MYO5B: variants seen among roughly 807,000 people sequenced by gnomAD.
The protein encoded by MYO5B is unconventional myosin-Vb.
In MYO5B, 143 loss-of-function variants were observed where a neutral mutation model predicts 229.3. That is an observed-to-expected ratio of 0.62 (90% CI 0.54 to 0.72). MYO5B has a LOEUF of 0.72. MYO5B is among the 30% of genes least tolerant of loss of function. MYO5B has a pLI of 0.00. For synonymous variants in MYO5B, 918 were observed against 885.2 expected (o/e 1.04, Z -0.66); for missense variants, 2,321 against 2,331.0 (o/e 1.00, Z 0.09).
chr18:50,039,746 G>T (rs1598972424), intron 3 of MYO5B, among the ~76,000 whole-genome samples: 1 of 152,116 alleles, frequency 6.6e-6, no homozygotes, highest in East Asian at 1.9e-4. Flanking sequence ...ACAAACAGAG[G>T]CAAGTGAGAA....
chr18:49,895,177 G>T lies in MYO5B; in HGVS notation c.2812-3C>A, dbSNP rs371540311. 4.1e-5 allele frequency: 66 copies of T among 1,608,202 alleles called. No individual in the cohort carries two copies. The highest frequency in any genetic ancestry group is 1.3e-4 in the Admixed American group (8 of 60,008). On this transcript the variant is annotated splice_polypyrimidine_tract_variant and splice_region_variant and intron_variant, in intron 21 of 39. Coordinates refer to ENST00000285039, the MANE Select transcript of MYO5B (RefSeq NM_001080467.3). ...GAAAGTGTCTTGAACTCTTTGTTCT[G>T]TGGAGAACATCAGCAAACAAGGAGA...
At chr18:49,847,434 G>T in intron 32 of MYO5B, 145 bp from the exon 33 acceptor site, 1 of 992,210 alleles carries the variant, frequency 1.0e-6, no homozygotes, top group Non-Finnish European at 1.5e-6. Context: ...CTGGGGCAGG[G>T]GGCATACTGG....
chr18:49,982,267 C>T (rs1051960979), intron 8 of MYO5B, among the ~76,000 whole-genome samples: 16 of 152,036 alleles, frequency 1.1e-4, no homozygotes, highest in Admixed American at 9.8e-4. Context: ...CAGGGTCTCC[C>T]GTGTTGCCCA....
intron 1 of MYO5B, among the ~76,000 whole-genome samples, chr18:50,143,740 G>A (rs754691612): frequency 2.6e-5 from 4 of 152,284 alleles, no homozygotes; most frequent in East Asian, 1.9e-4. Flanking sequence ...GATGTTGTTC[G>A]GATGGGCACC....
chr18:50,000,841 T>C (rs1485065629), intron 5 of MYO5B, among the ~76,000 whole-genome samples: 2 of 152,164 alleles, frequency 1.3e-5, no homozygotes, highest in African/African-American at 2.4e-5. Flanking sequence ...GGTTAAAAAA[T>C]ATTCTATCTA....
rs537927381 is a variant in MYO5B, at chr18:50,046,748, C to T, written c.139-6434G>A. Among the ~76,000 whole-genome samples the T allele has an allele frequency of 2.6e-5, 4 of 152,180 alleles. No individual in the cohort carries two copies. In the South Asian group the frequency reaches 8.3e-4, roughly 32 times the overall value. Reference sequence around the variant, plus strand: ...CAAAAAAACACAAACAAGATATAGACCAATGGAACAGAACAGAGCCCTCAG... The same window carrying T: ...CAAAAAAACACAAACAAGATATAGATCAATGGAACAGAACAGAGCCCTCAG... On this transcript the variant is annotated intron_variant, in intron 2 of 39. Transcript: ENST00000285039.
intron 16 of MYO5B, among the ~76,000 whole-genome samples, chr18:49,932,504 T>G (rs1290746452): frequency 6.6e-6 from 1 of 152,154 alleles, no homozygotes; most frequent in Non-Finnish European, 1.5e-5. Flanking sequence ...CCCTGTGGTC[T>G]GGGGCAAAGA....
chr18:49,849,758 A>G lies in MYO5B; in HGVS notation c.4222-98T>C, dbSNP rs490697. The G allele has an allele frequency of 0.84, 769,516 of 916,814 alleles. 324,535 individuals carry two copies. The highest frequency in any genetic ancestry group is 0.97 in the East Asian group (40,546 of 41,716). The allele number at this position is 916,814 out of a possible 1,614,324, so 56.8% of individuals were successfully genotyped here. On this transcript the variant is annotated intron_variant, in intron 31 of 39. Transcript: ENST00000285039. Reference sequence around the variant, plus strand: ...CAGTTGGAGGTGACCAGTGCGGCCCATGGGCAGCCGTCAGAAATGCGCCAG... The same window carrying G: ...CAGTTGGAGGTGACCAGTGCGGCCCGTGGGCAGCCGTCAGAAATGCGCCAG...
chr18:49,836,214 T>C (rs2023985327), intron 38 of MYO5B, among the ~76,000 whole-genome samples: 1 of 152,198 alleles, frequency 6.6e-6, no homozygotes. Flanking sequence ...AAAGTAACAC[T>C]TAAATGCCCC....
chr18:49,974,798 G>GACACACAGACACACACACACACACACAC (rs1460518712), intron 9 of MYO5B, among the ~76,000 whole-genome samples, 183 bp from the exon 10 acceptor site: 2 of 130,996 alleles, frequency 1.5e-5, no homozygotes, highest in African/African-American at 5.6e-5. Flanking sequence ...CACACACACA[G>GACACACAGACACACACACACACACACAC]ACACACACAC....
chr18:50,168,198 G>C (rs759529741), intron 1 of MYO5B, among the ~76,000 whole-genome samples: 2 of 152,122 alleles, frequency 1.3e-5, no homozygotes, highest in Non-Finnish European at 2.9e-5. Flanking sequence ...AACAGCATCC[G>C]AGTCAAACCT....
At chr18:49,981,435 C>T (rs1325922948) in intron 8 of MYO5B, among the ~76,000 whole-genome samples, 2 of 152,156 alleles carry the variant, frequency 1.3e-5, no homozygotes, top group African/African-American at 4.8e-5. Context: ...ATGTGCCATG[C>T]TAGGATTAAA....
At position 49,843,497 on chromosome 18, in the gene MYO5B, C is replaced by G. The variant is rs560797626; in HGVS notation, c.4460-105G>C. On this transcript the variant is annotated intron_variant, in intron 33 of 39. Transcript: ENST00000285039. ...ACGTGTTTTCAATATTTCCCCATAG[C>G]TCATCTAGGAATAGATGTCTCAAAG... The G allele has an allele frequency of 4.7e-5, 65 of 1,391,414 alleles. 1 individual carries two copies. In the South Asian group the frequency reaches 7.7e-4, roughly 17 times the overall value. The allele number at this position is 1,391,414 out of a possible 1,614,324, so 86.2% of individuals were successfully genotyped here.
At chr18:49,977,109 C>A (rs2025759758) in intron 9 of MYO5B, among the ~76,000 whole-genome samples, 3 of 152,068 alleles carry the variant, frequency 2.0e-5, no homozygotes, top group Admixed American at 2.0e-4. Context: ...GAGAAACCAC[C>A]CTGGGGACCG....
Position 50,195,082 on chromosome 18 carries a change from G to C in MYO5B, c.-289C>G. The C allele has an allele frequency of 3.5e-6, 1 of 289,178 alleles. No individual in the cohort carries two copies. The highest frequency in any genetic ancestry group is 6.4e-6 in the Non-Finnish European group (1 of 157,220). 17.9% of individuals were successfully genotyped at this position (289,178 alleles called of 1,614,324 possible). A position where few individuals can be genotyped will look rare whatever the true frequency, so the allele number is the denominator to read the frequency against. ...CCCCTCCCAGGTGTGGGGAGGAGGC[G>C]AGGGCCGGCGAGGAGGGAGGACCCG... On this transcript the variant is annotated 5_prime_UTR_variant, in exon 1 of 40. Transcript: ENST00000285039.
At chr18:50,164,893 A>G (rs1455657871) in intron 1 of MYO5B, among the ~76,000 whole-genome samples, 3 of 152,358 alleles carry the variant, frequency 2.0e-5, no homozygotes, top group African/African-American at 7.2e-5. Context: ...TTGAGTTAAG[A>G]AATCTCAAGA....
chr18:50,178,994 A>G (rs77015246), intron 1 of MYO5B, among the ~76,000 whole-genome samples: 1,922 of 152,336 alleles, frequency 0.013, 14 homozygotes, highest in Non-Finnish European at 0.02. Context: ...GGGAAAAAAA[A>G]GGTGAGGACC....
At chr18:50,053,628 G>A (rs935114962) in intron 2 of MYO5B, among the ~76,000 whole-genome samples, 6 of 151,542 alleles carry the variant, frequency 4.0e-5, no homozygotes, top group Non-Finnish European at 8.8e-5. Context: ...GGTGGCTAGC[G>A]AAAGCTGCCT....
rs574806982 is a variant in MYO5B, at chr18:49,903,980, C to A, written c.2571+692G>T. 7.9e-4 allele frequency among the ~76,000 whole-genome samples: 120 copies of A among 152,362 alleles called. 2 individuals are homozygous for A. Among genetic ancestry groups the A allele is most frequent in the Non-Finnish European group, 5.9e-5 (4 of 68,032 alleles). ...GATGATGCCCAATACCACCGCCTGCCCTCAAGTGTGAATGAGCCCTAGGTG... is the reference window on the plus strand; with the variant it reads ...GATGATGCCCAATACCACCGCCTGCACTCAAGTGTGAATGAGCCCTAGGTG... On this transcript the variant is annotated intron_variant, in intron 20 of 39. Transcript: ENST00000285039.
Sources: allele counts gnomAD v4.1 joint callset (sites outside exome capture counted in the v4.1 genomes callset), GRCh38; gene constraint gnomAD v4.1.1; transcripts MANE v1.5; gene names NCBI Gene and HGNC (gene_info 2026-07-23, HGNC 2026-07-21).